The following CDH18 variants were observed in gnomAD, a reference collection of about 807,000 sequenced individuals.
CDH18 encodes the protein cadherin-18.
Under a neutral mutation model 67.9 loss-of-function variants are expected in CDH18, and 31 were observed. The observed-to-expected ratio is 0.46, with a 90% CI of 0.34 to 0.62. The LOEUF (loss-of-function observed/expected upper bound fraction) is 0.62. Ranked by LOEUF, CDH18 falls within the 20% of genes least tolerant of loss-of-function variation. The probability of loss-of-function intolerance (pLI) is 0.01; values close to 1 mark genes in which losing one functional copy is unlikely to be tolerated. For synonymous variants in CDH18, 362 were observed against 347.2 expected (o/e 1.04, Z -0.48); for missense variants, 890 against 975.5 (o/e 0.91, Z 1.17).
At chr5:19,775,595 A>G (rs1419515079) in intron 3 of CDH18, among the ~76,000 whole-genome samples, 2 of 152,128 alleles carry the variant, frequency 1.3e-5, no homozygotes, top group Non-Finnish European at 2.9e-5. Context: ...AGAACTCACT[A>G]TCAGTAAAAC....
intron 2 of CDH18, among the ~76,000 whole-genome samples, chr5:20,102,870 C>T (rs1018702229): frequency 7.9e-5 from 12 of 151,894 alleles, no homozygotes; most frequent in Admixed American, 5.2e-4. Flanking sequence ...TAATAAGGGG[C>T]GAGACTAAAT....
intron 2 of CDH18, among the ~76,000 whole-genome samples, chr5:20,006,031 G>A (rs748132113): frequency 3.3e-5 from 5 of 151,858 alleles, no homozygotes; most frequent in Non-Finnish European, 5.9e-5. Context: ...GAACAACTAG[G>A]TGTTCAAATC....
intron 2 of CDH18, among the ~76,000 whole-genome samples, chr5:20,186,846 T>A (rs1055159239): frequency 1.5e-4 from 23 of 151,898 alleles, no homozygotes; most frequent in Non-Finnish European, 3.1e-4. Context: ...TGTAAATCCA[T>A]GGTTATAGCA....
chr5:19,947,898 T>G (rs1561611569), intron 2 of CDH18, among the ~76,000 whole-genome samples: 2 of 152,180 alleles, frequency 1.3e-5, no homozygotes, highest in Non-Finnish European at 2.9e-5. Context: ...GGGTTTTATG[T>G]AGAATATATA....
intron 2 of CDH18, among the ~76,000 whole-genome samples, chr5:19,869,847 T>C (rs1183461497): frequency 6.6e-6 from 1 of 151,988 alleles, no homozygotes; most frequent in African/African-American, 2.4e-5. Context: ...GTAAGGCAAA[T>C]CTCTGCCTAC....
At chr5:20,086,839 A>C (rs1168606724) in intron 2 of CDH18, among the ~76,000 whole-genome samples, 1 of 152,158 alleles carries the variant, frequency 6.6e-6, no homozygotes, top group Non-Finnish European at 1.5e-5. Context: ...ATGTGTAAGA[A>C]GATGAATATA....
intron 1 of CDH18, among the ~76,000 whole-genome samples, chr5:20,382,653 G>T (rs1338652749): frequency 6.6e-6 from 1 of 152,038 alleles, no homozygotes; most frequent in Non-Finnish European, 1.5e-5. Context: ...GAAGCTTAAG[G>T]GGTGCAATTA....
At chr5:19,679,075 C>T (rs996904448) in intron 5 of CDH18, among the ~76,000 whole-genome samples, 3 of 152,150 alleles carry the variant, frequency 2.0e-5, no homozygotes, top group South Asian at 4.1e-4. Flanking sequence ...CCAACTTCAG[C>T]AGCACTTCAA....
At chr5:19,524,803 T>C (rs1274847560) in intron 9 of CDH18, among the ~76,000 whole-genome samples, 1 of 152,144 alleles carries the variant, frequency 6.6e-6, no homozygotes, top group Admixed American at 6.6e-5. Flanking sequence ...TGGAGTGCAG[T>C]GGCGCGATCT....
In CDH18 at chr5:19,839,057, AAG is replaced by A; in HGVS notation, c.-73_-72del. The A allele has an allele frequency of 8.3e-7, 1 of 1,206,788 alleles. No individual in the cohort carries two copies. 74.8% of individuals were successfully genotyped at this position (1,206,788 alleles called of 1,614,324 possible). A position where few individuals can be genotyped will look rare whatever the true frequency, so the allele number is the denominator to read the frequency against. Reference sequence around the variant, plus strand: ...AGCTACGAAAGCTTAGTGAGCATTCAAGAGAGAAGCCAGAGCATCTTTAGGAA... The same window carrying A: ...AGCTACGAAAGCTTAGTGAGCATTCAAGAGAAGCCAGAGCATCTTTAGGAA... On this transcript the variant is annotated 5_prime_UTR_variant, in exon 3 of 13. It removes the in-frame stop codon of an upstream open reading frame in the 5' UTR. Coordinates refer to ENST00000382275, the MANE Select transcript of CDH18 (RefSeq NM_004934.5).
At chr5:19,922,076 A>G (rs1342570191) in intron 2 of CDH18, among the ~76,000 whole-genome samples, 2 of 152,170 alleles carry the variant, frequency 1.3e-5, no homozygotes, top group Non-Finnish European at 2.9e-5. Context: ...GAAGATGGAA[A>G]GCATTGCTGA....
At chr5:20,458,920 G>A (rs920530804) in intron 1 of CDH18, among the ~76,000 whole-genome samples, 6 of 152,004 alleles carry the variant, frequency 3.9e-5, no homozygotes, top group African/African-American at 9.7e-5. Context: ...AAATGTGTAC[G>A]TGTGTATATT....
At chr5:19,558,046 T>C (rs1202165309) in intron 8 of CDH18, among the ~76,000 whole-genome samples, 3 of 152,044 alleles carry the variant, frequency 2.0e-5, no homozygotes, top group Non-Finnish European at 2.9e-5. Context: ...TGAATGATCA[T>C]TGAGACAACA....
At chr5:19,656,801 G>T (rs991125109) in intron 5 of CDH18, among the ~76,000 whole-genome samples, 5 of 151,760 alleles carry the variant, frequency 3.3e-5, no homozygotes, top group Non-Finnish European at 7.4e-5. Flanking sequence ...CCAGTGCTAG[G>T]TTAAATTCCA....
chr5:19,932,624 C>A (rs1188781482), intron 2 of CDH18, among the ~76,000 whole-genome samples: 2 of 151,864 alleles, frequency 1.3e-5, no homozygotes, highest in African/African-American at 4.8e-5. Flanking sequence ...CCAATCTTTG[C>A]AGTTCATTCA....
chr5:20,296,670 TAC>T (rs1747562866), intron 1 of CDH18, among the ~76,000 whole-genome samples: 1 of 152,018 alleles, frequency 6.6e-6, no homozygotes, highest in African/African-American at 2.4e-5. Flanking sequence ...ATAAGTAAAC[TAC>T]AGTTTATAAT....
chr5:20,419,064 G>A (rs1367800181), intron 1 of CDH18, among the ~76,000 whole-genome samples: 1 of 152,008 alleles, frequency 6.6e-6, no homozygotes, highest in Non-Finnish European at 1.5e-5. Context: ...CTCACGTGTT[G>A]TGGGTGGGAC....
intron 2 of CDH18, among the ~76,000 whole-genome samples, chr5:20,107,265 G>T (rs1054821949): frequency 6.6e-6 from 1 of 151,922 alleles, no homozygotes; most frequent in Non-Finnish European, 1.5e-5. Context: ...GTAGAGACAC[G>T]GGGTTTCACC....
chr5:20,472,027 C>T (rs1424386856), intron 1 of CDH18, among the ~76,000 whole-genome samples: 1 of 3,016 alleles, frequency 3.3e-4, no homozygotes, highest in Non-Finnish European at 9.0e-4. Flanking sequence ...GTTATTCCAG[C>T]CACTGTGAAT....
Sources: allele counts gnomAD v4.1 joint callset (sites outside exome capture counted in the v4.1 genomes callset), GRCh38; gene constraint gnomAD v4.1.1; transcripts MANE v1.5; gene names NCBI Gene and HGNC (gene_info 2026-07-23, HGNC 2026-07-21).